The following KLHL14 variants were observed in gnomAD, a reference collection of about 807,000 sequenced individuals.
KLHL14 encodes kelch-like protein 14.
KLHL14 carries 22 observed loss-of-function variants against 64.3 expected under a neutral mutation model. The ratio of observed to expected loss-of-function variants is 0.34; its 90% CI spans 0.24 to 0.49. The LOEUF is 0.49. KLHL14 is among the 20% of genes least tolerant of loss of function. The pLI, the probability that KLHL14 is intolerant of heterozygous loss-of-function variation, is 0.99. For missense variants in KLHL14, 661 were observed against 789.0 expected (o/e 0.84, Z 1.94); for synonymous variants, 322 against 333.4 (o/e 0.97, Z 0.37).
In KLHL14 at chr18:32,680,971, A is replaced by G. The variant is rs1036020492; in HGVS notation, c.1239-372T>C. ...AAGTGAAAAATGAGGTAGATAATGT[A>G]ACAATAATAAATTATCTTGACATTC... is the stretch of plus-strand genomic sequence containing the variant. On this transcript the variant is annotated intron_variant, in intron 5 of 8. Coordinates refer to ENST00000359358, the MANE Select transcript of KLHL14 (RefSeq NM_020805.3). The surrounding 1 kb of genome is among the most constrained non-coding windows in gnomAD (Gnocchi z 4.8). Among the ~76,000 whole-genome samples, 2 of 152,164 alleles carry G rather than the reference A, an allele frequency of 1.3e-5. No homozygotes were observed. Among genetic ancestry groups the G allele is most frequent in the African/African-American group, 2.4e-5 (1 of 41,446 alleles).
At chr18:32,749,310 A>G (rs2050240201) in intron 2 of KLHL14, among the ~76,000 whole-genome samples, 1 of 152,200 alleles carries the variant, frequency 6.6e-6, no homozygotes, top group Non-Finnish European at 1.5e-5. Context: ...ATCTTTCCGA[A>G]GCCAGGTTAA....
At chr18:32,677,480 A>T in intron 7 of KLHL14, 150 bp from the exon 8 acceptor site, 1 of 747,302 alleles carries the variant, frequency 1.3e-6, no homozygotes. Context: ...AGATTGGGAG[A>T]AATGTCAGAA....
rs1404693648 is a variant in KLHL14, at chr18:32,683,453, C to T, written c.1239-2854G>A. On this transcript the variant is annotated intron_variant, in intron 5 of 8. Transcript: ENST00000359358. The surrounding 1 kb of genome is among the most constrained non-coding windows in gnomAD (Gnocchi z 4.2). ...AGCAACTGTGAACATTCACTGTAGG[C>T]TAAAATCTTCCCATACCAGGTCTCT... Among the ~76,000 whole-genome samples, 1 of 152,162 alleles carries T rather than the reference C, an allele frequency of 6.6e-6. No individual in the cohort carries two copies. The highest frequency in any genetic ancestry group is 1.9e-4 in the East Asian group (1 of 5,192).
At chr18:32,772,395 G>A (rs1035619256) in intron 1 of KLHL14, 1 of 184,354 alleles carries the variant, frequency 5.4e-6, no homozygotes, top group Non-Finnish European at 1.2e-5. Context: ...CCCTTTAAGA[G>A]GACCCGGTCA....
Position 32,770,821 on chromosome 18 carries a change from C to G in KLHL14, c.-43-187G>C, listed in dbSNP as rs112071499. On this transcript the variant is annotated intron_variant, in intron 1 of 8. Coordinates refer to ENST00000359358, the MANE Select transcript of KLHL14 (RefSeq NM_020805.3). The surrounding 1 kb of genome is among the most constrained non-coding windows in gnomAD (Gnocchi z 6.7). ...GAGGAAAGTCCGAAGACGCTGGATC[C>G]GTGAGCGCCACCAGAAGGGCCCTGT... 374 of 495,800 alleles carry G rather than the reference C, an allele frequency of 7.5e-4. 2 individuals are homozygous for G. Among genetic ancestry groups the G allele is most frequent in the African/African-American group, 6.8e-3 (341 of 50,248 alleles). 30.7% of individuals were successfully genotyped at this position (495,800 alleles called of 1,614,324 possible).
At chr18:32,718,867 T>C (rs751057130) in intron 3 of KLHL14, among the ~76,000 whole-genome samples, 9 of 152,230 alleles carry the variant, frequency 5.9e-5, no homozygotes, top group Non-Finnish European at 1.3e-4. Flanking sequence ...CTAGCTTCCA[T>C]AAACATTTTG....
At position 32,772,094 on chromosome 18, in the gene KLHL14, GCGCCGGCCCGCCGGCC is replaced by G. The variant is rs200605696; in HGVS notation, c.-44+557_-44+572del. The G allele has an allele frequency of 4.9e-4, 112 of 227,896 alleles. 22 individuals are homozygous for G. The highest frequency in any genetic ancestry group is 1.5e-3 in the South Asian group (25 of 16,810). 14.1% of individuals were successfully genotyped at this position (227,896 alleles called of 1,614,324 possible). On this transcript the variant is annotated intron_variant, in intron 1 of 8. Coordinates refer to ENST00000359358, the MANE Select transcript of KLHL14 (RefSeq NM_020805.3). ...GACCCTCTGCTTGCATCCCGCCCGCGCGCCGGCCCGCCGGCCCGCCGGCCCGCCCGCCCGGGGGAGA... is the reference window on the plus strand; with the variant it reads ...GACCCTCTGCTTGCATCCCGCCCGCGCGCCGGCCCGCCCGCCCGGGGGAGA...
intron 4 of KLHL14, among the ~76,000 whole-genome samples, chr18:32,687,752 C>A (rs764834305): frequency 6.6e-6 from 1 of 152,060 alleles, no homozygotes; most frequent in East Asian, 1.9e-4. Flanking sequence ...AGGTTCACAG[C>A]CAAATGGAAG....
At chr18:32,707,437 G>A (rs911356786) in intron 3 of KLHL14, among the ~76,000 whole-genome samples, 6 of 152,322 alleles carry the variant, frequency 3.9e-5, no homozygotes, top group South Asian at 4.1e-4. Context: ...AGAAAGGGCC[G>A]CCTGCAAAGC....
chr18:32,677,714 A>T (rs549269358), intron 7 of KLHL14, among the ~76,000 whole-genome samples: 29 of 152,110 alleles, frequency 1.9e-4, no homozygotes, highest in Admixed American at 5.9e-4. Context: ...ATTTAAATGA[A>T]CTCATTCAAT....
intron 2 of KLHL14, among the ~76,000 whole-genome samples, chr18:32,758,450 T>C (rs1040542062): frequency 3.9e-5 from 6 of 152,316 alleles, no homozygotes; most frequent in East Asian, 1.9e-4. Context: ...TGTGGAGCAA[T>C]TGGAACTGTC....
At chr18:32,686,238 C>T (rs1028449343) in intron 5 of KLHL14, among the ~76,000 whole-genome samples, 1 of 142,592 alleles carries the variant, frequency 7.0e-6, no homozygotes, top group African/African-American at 2.6e-5. Context: ...ACCATCTTGG[C>T]CAGGTTGGTC....
chr18:32,685,345 A>G (rs115820501), intron 5 of KLHL14, among the ~76,000 whole-genome samples: 1,764 of 152,336 alleles, frequency 0.012, 33 homozygotes, highest in African/African-American at 0.04. Context: ...GGGATAATTG[A>G]CCACGACGTG....
chr18:32,693,421 G>C (rs915921434), intron 4 of KLHL14, among the ~76,000 whole-genome samples: 6,969 of 115,250 alleles, frequency 0.06, 189 homozygotes, highest in Non-Finnish European at 0.078. Flanking sequence ...CACAGAGAGA[G>C]AGAGAGAGAG....
intron 2 of KLHL14, among the ~76,000 whole-genome samples, chr18:32,755,317 C>T (rs903582604): frequency 6.6e-6 from 1 of 152,158 alleles, no homozygotes; most frequent in Non-Finnish European, 1.5e-5. Context: ...CTTTGACATG[C>T]AGCAACAAAT....
intron 3 of KLHL14, among the ~76,000 whole-genome samples, chr18:32,733,245 C>T (rs1164828479): frequency 2.0e-5 from 3 of 151,968 alleles, no homozygotes; most frequent in Non-Finnish European, 4.4e-5. Flanking sequence ...GCTGAGACAA[C>T]CACCAGTAAA....
At chr18:32,766,252 T>A (rs1229072262) in intron 2 of KLHL14, among the ~76,000 whole-genome samples, 1 of 152,084 alleles carries the variant, frequency 6.6e-6, no homozygotes, top group African/African-American at 2.4e-5. Context: ...TTTGGGATAA[T>A]TGCTAAATTA....
intron 2 of KLHL14, among the ~76,000 whole-genome samples, chr18:32,754,521 T>C (rs2050272021): frequency 6.6e-6 from 1 of 152,180 alleles, no homozygotes; most frequent in Non-Finnish European, 1.5e-5. Context: ...TAGAAATGAA[T>C]ATTTTGACAG....
In KLHL14 at chr18:32,768,402, C is replaced by CACAT. The variant is rs1269807423; in HGVS notation, c.947+1242_947+1243insATGT. Among the ~76,000 whole-genome samples the CACAT allele has an allele frequency of 2.0e-5, 3 of 151,124 alleles. No homozygotes were observed. In the East Asian group the frequency reaches 5.9e-4, roughly 30 times the overall value. The stretch of plus-strand genomic sequence containing the variant: ...GTGGAAACATAATGACACACACACA[C>CACAT]ACACACACACACACACACACACACA... On this transcript the variant is annotated intron_variant, in intron 2 of 8. Transcript: ENST00000359358.
Sources: allele counts gnomAD v4.1 joint callset (sites outside exome capture counted in the v4.1 genomes callset), GRCh38; gene constraint gnomAD v4.1.1; non-coding constraint Gnocchi (gnomAD v3.1); transcripts MANE v1.5; gene names NCBI Gene and HGNC (gene_info 2026-07-23, HGNC 2026-07-21).